Variants in PCDH15 observed in about 807,000 individuals in gnomAD.
PCDH15 encodes protocadherin-15.
Under a neutral mutation model 178.5 loss-of-function variants are expected in PCDH15, and 129 were observed. That is an observed-to-expected ratio of 0.72 (90% CI 0.63 to 0.84). The LOEUF is 0.84. Ranked by LOEUF, PCDH15 falls within the 40% of genes least tolerant of loss-of-function variation. PCDH15 has a pLI of 0.00. For synonymous variants in PCDH15, 800 were observed against 732.0 expected (o/e 1.09, Z -1.50); for missense variants, 2,230 against 2,099.9 (o/e 1.06, Z -1.21).
At chr10:55,253,683 A>G (rs1274603513) in intron 1 of PCDH15, among the ~76,000 whole-genome samples, 1 of 152,150 alleles carries the variant, frequency 6.6e-6, no homozygotes, top group African/African-American at 2.4e-5. Flanking sequence ...TGTAAAGTAT[A>G]TGGCTCATTC....
intron 20 of PCDH15, among the ~76,000 whole-genome samples, chr10:54,006,295 C>A (rs1249888718): frequency 6.6e-6 from 1 of 152,146 alleles, no homozygotes; most frequent in Non-Finnish European, 1.5e-5. Context: ...CAATAGGAAT[C>A]TGAAAATGCG....
intron 2 of PCDH15, among the ~76,000 whole-genome samples, chr10:54,984,125 G>T (rs767290878): frequency 6.6e-5 from 10 of 152,154 alleles, no homozygotes; most frequent in Non-Finnish European, 8.8e-5. Flanking sequence ...ACACCCCAAA[G>T]TATGGTGGCT....
chr10:54,337,995 A>G (rs1941523139), intron 6 of PCDH15, among the ~76,000 whole-genome samples: 1 of 152,198 alleles, frequency 6.6e-6, no homozygotes, highest in Admixed American at 6.5e-5. Flanking sequence ...TCCAGAGAAC[A>G]TTTGCTTACA....
chr10:54,902,743 T>G (rs1163145014), intron 2 of PCDH15, among the ~76,000 whole-genome samples: 1 of 152,160 alleles, frequency 6.6e-6, no homozygotes, highest in African/African-American at 2.4e-5. Flanking sequence ...CCCCAAATGG[T>G]TGTAATCTGC....
intron 13 of PCDH15, among the ~76,000 whole-genome samples, chr10:54,164,664 T>C (rs2046036095): frequency 6.6e-6 from 1 of 152,206 alleles, no homozygotes; most frequent in Non-Finnish European, 1.5e-5. Context: ...TGAAATATGC[T>C]CTGGTGATAG....
At chr10:53,922,093 A>G (rs566445940) in intron 25 of PCDH15, among the ~76,000 whole-genome samples, 89 of 152,230 alleles carry the variant, frequency 5.8e-4, no homozygotes, top group African/African-American at 2.1e-3. Flanking sequence ...CCGGTTGTCA[A>G]TCAAGGTAGG....
intron 23 of PCDH15, among the ~76,000 whole-genome samples, chr10:53,959,196 C>T (rs967309809): frequency 6.7e-6 from 1 of 148,160 alleles, no homozygotes; most frequent in Admixed American, 6.8e-5. Context: ...TATATACACA[C>T]AGTATATATA....
chr10:54,090,689 T>C (rs768130073), intron 15 of PCDH15, among the ~76,000 whole-genome samples: 10 of 150,036 alleles, frequency 6.7e-5, no homozygotes, highest in Non-Finnish European at 1.0e-4. Flanking sequence ...ACAGTGTCGA[T>C]AAAGTGTTTA....
At chr10:55,257,529 G>A (rs1842030810) in intron 1 of PCDH15, among the ~76,000 whole-genome samples, 1 of 152,178 alleles carries the variant, frequency 6.6e-6, no homozygotes, top group South Asian at 2.1e-4. Context: ...AGTCCTTAAA[G>A]GACCTGATGG....
At chr10:54,325,150 G>A (rs80077250) in intron 7 of PCDH15, among the ~76,000 whole-genome samples, 1,669 of 152,058 alleles carry the variant, frequency 0.011, 28 homozygotes, top group African/African-American at 0.034. Context: ...TCTAATATGG[G>A]TCAGTCAAAA....
At position 53,910,914 on chromosome 10, in the gene PCDH15, A is replaced by G. The variant is rs193109077; in HGVS notation, c.3374-7544T>C. 2.8e-3 allele frequency among the ~76,000 whole-genome samples: 423 copies of G among 152,328 alleles called. 1 individual carries two copies. Among genetic ancestry groups the G allele is most frequent in the Non-Finnish European group, 3.1e-3 (209 of 68,016 alleles). On this transcript the variant is annotated intron_variant, in intron 25 of 37. Transcript: ENST00000644397. ...CATCAAGTGGAAAAAAGGGTGCCAG[A>G]GATTGAAGATCAAGTTAATGAAACA... is the stretch of plus-strand genomic sequence containing the variant.
At chr10:54,262,895 G>A (rs2057418745) in intron 8 of PCDH15, among the ~76,000 whole-genome samples, 1 of 152,194 alleles carries the variant, frequency 6.6e-6, no homozygotes, top group Non-Finnish European at 1.5e-5. Flanking sequence ...GCCAGGGCGA[G>A]TGTCTGTGGG....
At chr10:54,037,845 T>C (rs1291407960) in intron 18 of PCDH15, among the ~76,000 whole-genome samples, 1 of 152,066 alleles carries the variant, frequency 6.6e-6, no homozygotes, top group Non-Finnish European at 1.5e-5. Flanking sequence ...AAATGGAGAC[T>C]GAAGTTACGT....
intron 1 of PCDH15, among the ~76,000 whole-genome samples, chr10:54,762,043 C>G (rs1947941971): frequency 6.6e-6 from 1 of 152,026 alleles, no homozygotes; most frequent in African/African-American, 2.4e-5. Flanking sequence ...GGTTAGAGGA[C>G]CATTCTCCTT....
chr10:54,774,772 A>G (rs1171477912), intron 1 of PCDH15, among the ~76,000 whole-genome samples: 1 of 152,106 alleles, frequency 6.6e-6, no homozygotes, highest in Non-Finnish European at 1.5e-5. Context: ...ATTAGAAACC[A>G]CGTCTCCTGA....
At chr10:55,343,950 G>A (rs1844672500) in intron 2 of PCDH15, among the ~76,000 whole-genome samples, 1 of 152,050 alleles carries the variant, frequency 6.6e-6, no homozygotes, top group African/African-American at 2.4e-5. Flanking sequence ...ATTTGGCGGA[G>A]GTTGCAGAGA....
intron 3 of PCDH15, among the ~76,000 whole-genome samples, chr10:54,486,738 AC>A: frequency 6.6e-6 from 1 of 152,026 alleles, no homozygotes; most frequent in East Asian, 1.9e-4. Flanking sequence ...TGATGTTAGG[AC>A]TGAGTTCTAA....
Position 54,329,636 on chromosome 10 carries a change from T to G in PCDH15, c.665A>C (p.Tyr222Ser), listed in dbSNP as rs755845400. 1.9e-6 allele frequency: 3 copies of G among 1,608,690 alleles called. No homozygotes were observed. Among genetic ancestry groups the G allele is most frequent in the Admixed American group, 3.3e-5 (2 of 59,916 alleles). ...GACAAAGTAGCGAGTCTTATCTTCA[T>G]AGTTGAGCCTCTTCCTTAACACTAT... ...GNIVLRKRLN[Y>S]EDKTRYFVII... The change falls in exon 7 of 38, where the codon TAT becomes TCT. Residue 222 changes from tyrosine to serine, a missense_variant. Physicochemically the swap from Tyr to Ser is moderately radical, Grantham distance 144. Transcript: ENST00000644397.
In PCDH15 at chr10:54,058,698, CT is replaced by C. The variant is rs58250372; in HGVS notation, c.2220+8058del. On this transcript the variant is annotated intron_variant, in intron 18 of 37. Coordinates refer to ENST00000644397, the MANE Select transcript of PCDH15 (RefSeq NM_001384140.1). ...AACATATTTCTTTCTTTCTTTCTTT[CT>C]TTTTTTTTTTTTAGACCAAGTTTTG... Among the ~76,000 whole-genome samples the C allele has an allele frequency of 9.5e-4, 127 of 133,332 alleles. 2 individuals carry two copies. The highest frequency in any genetic ancestry group is 3.6e-3 in the Middle Eastern group (1 of 276). The allele number at this position is 133,332 out of a possible 152,430, so 87.5% of individuals were successfully genotyped here.
Sources: allele counts gnomAD v4.1 joint callset (sites outside exome capture counted in the v4.1 genomes callset), GRCh38; gene constraint gnomAD v4.1.1; transcripts MANE v1.5; gene names NCBI Gene and HGNC (gene_info 2026-07-23, HGNC 2026-07-21).